Variants in GNA14 observed in about 807,000 individuals in gnomAD.
The protein encoded by GNA14 is guanine nucleotide-binding protein subunit alpha-14.
GNA14 carries 50 observed loss-of-function variants against 42.0 expected under a neutral mutation model. The ratio of observed to expected loss-of-function variants is 1.19; its 90% CI spans 0.95 to 1.51. The LOEUF is 1.51. Ranked by LOEUF, GNA14 falls within the 40% of genes most tolerant of loss-of-function variation. The pLI is 0.00. For missense variants in GNA14, 473 were observed against 446.2 expected (o/e 1.06, Z -0.54); for synonymous variants, 173 against 163.1 (o/e 1.06, Z -0.46).
intron 1 of GNA14, among the ~76,000 whole-genome samples, chr9:77,530,373 T>C (rs918276217): frequency 1.2e-4 from 18 of 152,144 alleles, no homozygotes; most frequent in Admixed American, 3.3e-4. Context: ...TCCACCATGA[T>C]TGTAAGTTTC....
At chr9:77,485,443 TGA>T (rs1464206546) in intron 2 of GNA14, among the ~76,000 whole-genome samples, 1 of 152,204 alleles carries the variant, frequency 6.6e-6, no homozygotes, top group African/African-American at 2.4e-5. Flanking sequence ...AAGTCATCCA[TGA>T]GAGTTGGAAT....
intron 1 of GNA14, among the ~76,000 whole-genome samples, chr9:77,571,424 G>A (rs1360240875): frequency 6.6e-6 from 1 of 152,170 alleles, no homozygotes; most frequent in Non-Finnish European, 1.5e-5. Flanking sequence ...AATGCTCTAA[G>A]ACTATGTCAT....
chr9:77,622,321 GA>G (rs1183180952), intron 1 of GNA14, among the ~76,000 whole-genome samples: 3 of 152,002 alleles, frequency 2.0e-5, no homozygotes, highest in Middle Eastern at 3.2e-3. Context: ...CAAATTTAAG[GA>G]ACAGCAAAAG....
intron 1 of GNA14, among the ~76,000 whole-genome samples, chr9:77,560,306 T>TTTTTTTTTTG (rs1822860252): frequency 7.5e-6 from 1 of 134,152 alleles, no homozygotes; most frequent in African/African-American, 2.9e-5. Flanking sequence ...TTTTTTTTTT[T>TTTTTTTTTTG]GAGGTGGAGT....
At position 77,597,593 on chromosome 9, in the gene GNA14, G is replaced by T. The variant is rs559791489; in HGVS notation, c.124+50077C>A. Among the ~76,000 whole-genome samples the T allele has an allele frequency of 2.6e-5, 4 of 151,546 alleles. No homozygotes were observed. In the South Asian group the frequency reaches 8.4e-4, roughly 32 times the overall value. ...GCCTATGGTTCTATCTTCAGTGCTC[G>T]TCTTGGTATTAGGTTGGTGCAAAAG... On this transcript the variant is annotated intron_variant, in intron 1 of 6. Transcript: ENST00000341700.
intron 1 of GNA14, among the ~76,000 whole-genome samples, chr9:77,635,534 G>A (rs1824170336): frequency 6.6e-6 from 1 of 152,034 alleles, no homozygotes; most frequent in African/African-American, 2.4e-5. Context: ...GAATAGTTTT[G>A]CTTTGTTTTA....
chr9:77,511,839 G>C (rs1273030845), intron 2 of GNA14, among the ~76,000 whole-genome samples: 2 of 152,106 alleles, frequency 1.3e-5, no homozygotes, highest in African/African-American at 4.8e-5. Context: ...AATGAACTTG[G>C]AACTTGTGTT....
intron 2 of GNA14, among the ~76,000 whole-genome samples, chr9:77,466,477 C>T (rs1219521808): frequency 1.3e-5 from 2 of 152,160 alleles, no homozygotes; most frequent in African/African-American, 2.4e-5. Context: ...ATTTCTATTT[C>T]TATGTATTCA....
At chr9:77,449,854 C>T (rs1835876416) in intron 2 of GNA14, among the ~76,000 whole-genome samples, 1 of 152,228 alleles carries the variant, frequency 6.6e-6, no homozygotes, top group Admixed American at 6.5e-5. Context: ...AGAGCATAAT[C>T]TCCCTCTTGA....
intron 1 of GNA14, among the ~76,000 whole-genome samples, chr9:77,604,269 T>C (rs1472641559): frequency 6.6e-6 from 1 of 152,200 alleles, no homozygotes; most frequent in East Asian, 1.9e-4. Flanking sequence ...TCTCACAGAC[T>C]GACAGTCCTG....
At chr9:77,556,917 T>C (rs530101077) in intron 1 of GNA14, among the ~76,000 whole-genome samples, 59 of 152,332 alleles carry the variant, frequency 3.9e-4, no homozygotes, top group African/African-American at 1.3e-3. Context: ...TTAAAGATAC[T>C]AATAATTTTA....
At chr9:77,510,745 C>T (rs10121037) in intron 2 of GNA14, among the ~76,000 whole-genome samples, 3,790 of 152,268 alleles carry the variant, frequency 0.025, 148 homozygotes, top group African/African-American at 0.086. Flanking sequence ...TTCCCTTTGG[C>T]CCTTTTCGTA....
At chr9:77,464,351 A>ATGTGTGTGTGTG (rs35743834) in intron 2 of GNA14, among the ~76,000 whole-genome samples, 2 of 144,706 alleles carry the variant, frequency 1.4e-5, no homozygotes, top group African/African-American at 2.6e-5. Context: ...GTGTGTGTAT[A>ATGTGTGTGTGTG]TGTGTGTGTG....
chr9:77,573,211 G>A (rs1308432413), intron 1 of GNA14, among the ~76,000 whole-genome samples: 17 of 152,278 alleles, frequency 1.1e-4, no homozygotes, highest in Admixed American at 2.0e-4. Flanking sequence ...CACTCTGGGA[G>A]GCTGAGGCAG....
At position 77,489,592 on chromosome 9, in the gene GNA14, G is replaced by A. The variant is rs1836724055; in HGVS notation, c.309+39477C>T. Among the ~76,000 whole-genome samples, 3 of 152,326 alleles carry A rather than the reference G, an allele frequency of 2.0e-5. No homozygotes were observed. The South Asian group carries it at 6.2e-4, about 32-fold the overall frequency. On this transcript the variant is annotated intron_variant, in intron 2 of 6. Transcript: ENST00000341700. ...TGAGTGTTACAGCTCTTAAGGTGGT[G>A]CACCTGGAGTCTGTCCCTTCTGATG...
At chr9:77,630,635 C>G (rs867565446) in intron 1 of GNA14, among the ~76,000 whole-genome samples, 5 of 152,140 alleles carry the variant, frequency 3.3e-5, no homozygotes, top group African/African-American at 9.7e-5. Flanking sequence ...GATTAAGAAA[C>G]ATCCCTTTAA....
intron 2 of GNA14, among the ~76,000 whole-genome samples, chr9:77,518,842 A>AT (rs1183292314): frequency 1.3e-5 from 2 of 152,210 alleles, no homozygotes; most frequent in Admixed American, 6.5e-5. Flanking sequence ...TACAGATGCC[A>AT]TTTTTTTAAA....
At chr9:77,429,314 T>C (rs969597430) in intron 4 of GNA14, among the ~76,000 whole-genome samples, 40 of 152,150 alleles carry the variant, frequency 2.6e-4, no homozygotes, top group Non-Finnish European at 3.5e-4. Flanking sequence ...CTAACCAGTG[T>C]CCAGACAGAA....
intron 2 of GNA14, among the ~76,000 whole-genome samples, chr9:77,467,775 C>T (rs1369458571): frequency 6.6e-6 from 1 of 151,476 alleles, no homozygotes; most frequent in Non-Finnish European, 1.5e-5. Context: ...GGAGCAGGGA[C>T]AGTGGCCCAC....
Sources: allele counts gnomAD v4.1 joint callset (sites outside exome capture counted in the v4.1 genomes callset), GRCh38; gene constraint gnomAD v4.1.1; transcripts MANE v1.5; gene names NCBI Gene and HGNC (gene_info 2026-07-23, HGNC 2026-07-21).